The following FSTL5 variants were observed in gnomAD, a reference collection of about 807,000 sequenced individuals.
FSTL5 encodes follistatin like 5.
FSTL5 carries 62 observed loss-of-function variants against 89.1 expected under a neutral mutation model. The observed-to-expected ratio is 0.70, with a 90% CI of 0.57 to 0.86. FSTL5 has a LOEUF of 0.86. Ranked by LOEUF, FSTL5 falls within the 40% of genes least tolerant of loss-of-function variation. The pLI is 0.00. For synonymous variants in FSTL5, 383 were observed against 346.2 expected, an observed-to-expected ratio of 1.11 and a Z score of -1.18; for missense variants, 1,057 against 1,001.6, an observed-to-expected ratio of 1.06 and a Z score of -0.75.
rs993467848 is a variant in FSTL5, at chr4:161,977,187, C to A, written c.160+56438G>T. ...TATAATTGCTGCAAGTTGGTAACTG[C>A]AAATGTCATCTACCATGGCTACAAA... On this transcript the variant is annotated intron_variant, in intron 3 of 15. Coordinates refer to ENST00000306100, the MANE Select transcript of FSTL5 (RefSeq NM_020116.5). Among the ~76,000 whole-genome samples, 7 of 152,078 alleles carry A rather than the reference C, an allele frequency of 4.6e-5. No individual in the cohort carries two copies. The East Asian group carries it at 1.4e-3, about 29-fold the overall frequency.
chr4:161,655,175 T>C (rs1736472925), intron 7 of FSTL5, among the ~76,000 whole-genome samples: 1 of 152,160 alleles, frequency 6.6e-6, no homozygotes, highest in African/African-American at 2.4e-5. Context: ...CATAAGGGCA[T>C]TAAATAGATA....
chr4:161,587,654 G>A (rs928329863), intron 7 of FSTL5, 79 bp from the exon 8 acceptor site: 22 of 1,091,396 alleles, frequency 2.0e-5, no homozygotes, highest in East Asian at 1.0e-4. Context: ...GGTGTATTCA[G>A]GTACAAAACA....
chr4:162,057,595 C>T (rs1175406923), intron 2 of FSTL5, among the ~76,000 whole-genome samples: 1 of 152,116 alleles, frequency 6.6e-6, no homozygotes, highest in Non-Finnish European at 1.5e-5. Context: ...CCTATCATTG[C>T]TCTTTAAAAG....
chr4:161,704,567 C>T (rs909832508), intron 6 of FSTL5, among the ~76,000 whole-genome samples: 1 of 152,048 alleles, frequency 6.6e-6, no homozygotes, highest in African/African-American at 2.4e-5. Flanking sequence ...GACCACCTTC[C>T]AAGAAAGGTC....
chr4:161,920,192 A>C (rs1319866285), intron 4 of FSTL5, among the ~76,000 whole-genome samples: 1 of 152,178 alleles, frequency 6.6e-6, no homozygotes, highest in African/African-American at 2.4e-5. Flanking sequence ...ATTTTGAGTC[A>C]TATTTTGGCC....
chr4:162,054,907 T>C (rs575086254), intron 2 of FSTL5, among the ~76,000 whole-genome samples: 22 of 151,986 alleles, frequency 1.4e-4, no homozygotes, highest in African/African-American at 5.1e-4. Flanking sequence ...CCTTTTGTCC[T>C]AAAGACATAA....
intron 2 of FSTL5, among the ~76,000 whole-genome samples, chr4:162,069,992 T>C (rs192180033): frequency 1.1e-3 from 164 of 151,986 alleles, no homozygotes; most frequent in African/African-American, 3.6e-3. Flanking sequence ...TGCACTAGCT[T>C]ACATTTCCAA....
At chr4:161,442,408 T>C (rs944757803) in intron 15 of FSTL5, among the ~76,000 whole-genome samples, 2 of 152,130 alleles carry the variant, frequency 1.3e-5, no homozygotes, top group Admixed American at 1.3e-4. Context: ...CTTAGTTTAA[T>C]TGTTACTTTT....
chr4:161,611,961 GAAGAGGGTCAAGGCCAAAGCCT>G (rs1229216826), intron 7 of FSTL5, among the ~76,000 whole-genome samples: 1 of 146,550 alleles, frequency 6.8e-6, no homozygotes, highest in Non-Finnish European at 1.5e-5. Context: ...CTGAGGAAGT[GAAGAGGGTCAAGGCCAAAGCCT>G]CCAAAATCCA....
chr4:162,128,920 C>CTTTTT (rs11317941), intron 1 of FSTL5, among the ~76,000 whole-genome samples: 3 of 129,026 alleles, frequency 2.3e-5, no homozygotes, highest in African/African-American at 8.5e-5. Flanking sequence ...CTGTTTGAGA[C>CTTTTT]TTTTTTTTTT....
At chr4:162,106,362 C>G (rs2111396179) in intron 2 of FSTL5, among the ~76,000 whole-genome samples, 1 of 152,270 alleles carries the variant, frequency 6.6e-6, no homozygotes, top group East Asian at 1.9e-4. Context: ...CTCATAAGAT[C>G]TTCCCTCAAG....
chr4:161,613,358 G>A (rs1267276014), intron 7 of FSTL5, among the ~76,000 whole-genome samples: 2 of 151,770 alleles, frequency 1.3e-5, no homozygotes, highest in Non-Finnish European at 2.9e-5. Flanking sequence ...GCTGATGCAG[G>A]AGAATTGCTT....
At chr4:161,445,460 C>T (rs910600995) in intron 15 of FSTL5, among the ~76,000 whole-genome samples, 1 of 151,632 alleles carries the variant, frequency 6.6e-6, no homozygotes, top group African/African-American at 2.4e-5. Flanking sequence ...AGTTAGAAAA[C>T]TTGTTTCCCT....
chr4:162,019,910 T>C (rs1737023589), intron 3 of FSTL5, among the ~76,000 whole-genome samples: 1 of 149,786 alleles, frequency 6.7e-6, no homozygotes, highest in Non-Finnish European at 1.5e-5. Context: ...TACAAAACTT[T>C]AGAGACATTG....
intron 7 of FSTL5, among the ~76,000 whole-genome samples, chr4:161,630,424 A>T (rs1471832386): frequency 6.6e-6 from 1 of 152,202 alleles, no homozygotes; most frequent in African/African-American, 2.4e-5. Context: ...AGCCCTTGAA[A>T]ATATGTGCTT....
At chr4:162,100,768 G>T (rs1181037964) in intron 2 of FSTL5, among the ~76,000 whole-genome samples, 1 of 151,896 alleles carries the variant, frequency 6.6e-6, no homozygotes, top group Non-Finnish European at 1.5e-5. Flanking sequence ...TGGGGGAGGG[G>T]GTATAGAGTG....
intron 13 of FSTL5, among the ~76,000 whole-genome samples, chr4:161,464,124 C>G (rs750626728): frequency 1.3e-5 from 2 of 152,030 alleles, no homozygotes; most frequent in African/African-American, 2.4e-5. Flanking sequence ...AAATTTACAG[C>G]CTCTTCTAAT....
chr4:161,698,881 C>G (rs758469143), intron 6 of FSTL5, among the ~76,000 whole-genome samples: 2 of 152,004 alleles, frequency 1.3e-5, no homozygotes, highest in South Asian at 4.1e-4. Context: ...ACCCGGGAGG[C>G]GGAGGTTGCA....
intron 3 of FSTL5, among the ~76,000 whole-genome samples, chr4:162,021,089 C>A (rs1447982302): frequency 1.3e-5 from 2 of 152,062 alleles, no homozygotes; most frequent in African/African-American, 2.4e-5. Flanking sequence ...GTGATAAATA[C>A]ATTTTTCAAT....
Sources: allele counts gnomAD v4.1 joint callset (sites outside exome capture counted in the v4.1 genomes callset), GRCh38; gene constraint gnomAD v4.1.1; transcripts MANE v1.5; gene names NCBI Gene and HGNC (gene_info 2026-07-23, HGNC 2026-07-21).